Variants in GPR149 observed in about 807,000 individuals in gnomAD.
GPR149 encodes the protein probable G protein-coupled receptor 149.
GPR149 carries 50 observed loss-of-function variants against 50.2 expected under a neutral mutation model. The ratio of observed to expected loss-of-function variants is 1.00; its 90% CI spans 0.79 to 1.26. The LOEUF (loss-of-function observed/expected upper bound fraction) is 1.26, where lower values mean the gene tolerates loss of function less well. GPR149 is among the 50% of genes most tolerant of loss of function. GPR149 has a pLI of 0.00. For missense variants in GPR149, 983 were observed against 895.4 expected, an observed-to-expected ratio of 1.10 and a Z score of -1.25; for synonymous variants, 405 against 358.2, an observed-to-expected ratio of 1.13 and a Z score of -1.48.
At chr3:154,395,292 G>A (rs533261387) in intron 3 of GPR149, among the ~76,000 whole-genome samples, 21 of 151,736 alleles carry the variant, frequency 1.4e-4, no homozygotes, top group East Asian at 1.2e-3. Flanking sequence ...AAGTTTTATC[G>A]TAATTTCTAG....
chr3:154,397,413 G>C (rs1215902368), intron 3 of GPR149, among the ~76,000 whole-genome samples: 1 of 152,180 alleles, frequency 6.6e-6, no homozygotes, highest in Non-Finnish European at 1.5e-5. Flanking sequence ...GAGTGTGCTA[G>C]AGTTGGCTCA....
chr3:154,365,365 C>CA (rs1001066690), intron 3 of GPR149, among the ~76,000 whole-genome samples: 3 of 152,222 alleles, frequency 2.0e-5, no homozygotes, highest in Admixed American at 6.5e-5. Context: ...CAAAGATCTC[C>CA]AAAATGCCTT....
In GPR149 at chr3:154,338,035, C is replaced by T; in HGVS notation, c.1860G>A (p.Glu620=). ...FVDTSVKIHL[E]VLEICDNEEA... is the part of the protein sequence containing the mutation. ...CTTCATTATCACAAATTTCAAGAACCTCCAAGTGTATTTTCACACTGGTGT... is the reference window on the plus strand; with the variant it reads ...CTTCATTATCACAAATTTCAAGAACTTCCAAGTGTATTTTCACACTGGTGT... Residue 620 remains glutamate (E), a synonymous_variant, in exon 4 of 4, where the codon GAG becomes GAA. Coordinates refer to ENST00000389740, the MANE Select transcript of GPR149 (RefSeq NM_001038705.3). 6.2e-7 allele frequency: 1 copy of T among 1,614,194 alleles called. No homozygotes were observed. The highest frequency in any genetic ancestry group is 8.5e-7 in the Non-Finnish European group (1 of 1,180,018).
At chr3:154,352,704 G>GA (rs1199870281) in intron 3 of GPR149, 5 of 783,334 alleles carry the variant, frequency 6.4e-6, no homozygotes, top group Non-Finnish European at 1.2e-5. Context: ...CTGATGGTCA[G>GA]AAAAAATCAA....
intron 3 of GPR149, among the ~76,000 whole-genome samples, chr3:154,368,169 C>A (rs1243354640): frequency 6.6e-6 from 1 of 152,182 alleles, no homozygotes; most frequent in Non-Finnish European, 1.5e-5. Flanking sequence ...CCAGAGGCTC[C>A]CCCTGCAAGG....
intron 3 of GPR149, among the ~76,000 whole-genome samples, chr3:154,339,952 C>G (rs789294): frequency 0.91 from 137,463 of 151,728 alleles, 62,504 homozygotes; most frequent in East Asian, 1. Context: ...ACCACCCCCG[C>G]CTAATTTTTT....
At chr3:154,372,311 G>T (rs1212411682) in intron 3 of GPR149, among the ~76,000 whole-genome samples, 4 of 152,074 alleles carry the variant, frequency 2.6e-5, no homozygotes, top group Non-Finnish European at 5.9e-5. Flanking sequence ...TTCTTCCCAA[G>T]AAAGCTATTA....
intron 3 of GPR149, among the ~76,000 whole-genome samples, chr3:154,375,135 C>G (rs1714761178): frequency 6.6e-6 from 1 of 151,966 alleles, no homozygotes; most frequent in African/African-American, 2.4e-5. Context: ...TTTCACTTTA[C>G]TCTCCTTTTC....
At chr3:154,398,939 A>G (rs534709728) in intron 3 of GPR149, among the ~76,000 whole-genome samples, 1 of 152,316 alleles carries the variant, frequency 6.6e-6, no homozygotes, top group South Asian at 2.1e-4. Flanking sequence ...ATGTAACTCC[A>G]ATAAACATAA....
chr3:154,354,535 T>G (rs1407727534), intron 3 of GPR149, among the ~76,000 whole-genome samples: 1 of 152,188 alleles, frequency 6.6e-6, no homozygotes, highest in Non-Finnish European at 1.5e-5. Flanking sequence ...CACCCTGTGA[T>G]CCTCTGAGTG....
intron 3 of GPR149, among the ~76,000 whole-genome samples, chr3:154,355,173 C>A (rs1477492760): frequency 1.3e-5 from 2 of 152,022 alleles, no homozygotes. Context: ...GATTACAGGT[C>A]CGTGCCACCA....
intron 3 of GPR149, among the ~76,000 whole-genome samples, chr3:154,414,571 G>A (rs890936001): frequency 6.6e-6 from 1 of 151,762 alleles, no homozygotes; most frequent in Non-Finnish European, 1.5e-5. Flanking sequence ...AATTACAAGG[G>A]GGAAAAATAG....
intron 3 of GPR149, among the ~76,000 whole-genome samples, chr3:154,354,527 C>A (rs772926665): frequency 2.0e-5 from 3 of 152,090 alleles, no homozygotes; most frequent in Non-Finnish European, 2.9e-5. Context: ...TTTTCCAGCA[C>A]CCTGTGATCC....
chr3:154,417,124 T>C (rs923647723), intron 3 of GPR149, among the ~76,000 whole-genome samples: 2 of 152,034 alleles, frequency 1.3e-5, no homozygotes, highest in Non-Finnish European at 2.9e-5. Flanking sequence ...AAAATTATCA[T>C]TTCATTTCAG....
intron 2 of GPR149, among the ~76,000 whole-genome samples, chr3:154,423,957 T>C (rs1472450119): frequency 6.6e-6 from 1 of 151,888 alleles, no homozygotes; most frequent in African/African-American, 2.4e-5. Context: ...CATTAACTCG[T>C]CATTTACATT....
intron 3 of GPR149, among the ~76,000 whole-genome samples, chr3:154,391,566 T>G (rs1175539917): frequency 6.7e-6 from 1 of 150,332 alleles, no homozygotes; most frequent in African/African-American, 2.4e-5. Context: ...TAAAAAAACA[T>G]GGCTATAGTA....
At chr3:154,383,500 G>A (rs956010187) in intron 3 of GPR149, among the ~76,000 whole-genome samples, 3 of 151,962 alleles carry the variant, frequency 2.0e-5, no homozygotes, top group African/African-American at 7.3e-5. Flanking sequence ...TTGCCATATC[G>A]AAGTAGTTAA....
At chr3:154,352,365 G>A (rs1357425716) in intron 3 of GPR149, 1 of 1,116,314 alleles carries the variant, frequency 9.0e-7, no homozygotes, top group Non-Finnish European at 1.3e-6. Context: ...TTCAATTTCA[G>A]GTAATTTGGC....
Position 154,428,930 on chromosome 3 carries a change from T to C in GPR149, c.686A>G (p.Tyr229Cys). The change falls in exon 1 of 4, where the codon TAC (tyrosine) becomes TGC (cysteine). Residue 229 changes from tyrosine to cysteine, a missense_variant. Coordinates refer to ENST00000389740, the MANE Select transcript of GPR149 (RefSeq NM_001038705.3). Reference protein sequence around the residue: ...SEEPPRLHSNYQEISRGASIP... With the variant: ...SEEPPRLHSNCQEISRGASIP... ...TGAAGCTCCACGGGAAATTTCCTGG[T>C]AGTTGGAGTGGAGTCTCGGCGGCTC... is the stretch of plus-strand genomic sequence containing the variant. 1 of 1,613,902 alleles carries C rather than the reference T, an allele frequency of 6.2e-7. No individual in the cohort carries two copies. Among genetic ancestry groups the C allele is most frequent in the Non-Finnish European group, 8.5e-7 (1 of 1,179,966 alleles).
Sources: allele counts gnomAD v4.1 joint callset (sites outside exome capture counted in the v4.1 genomes callset), GRCh38; gene constraint gnomAD v4.1.1; transcripts MANE v1.5; gene names NCBI Gene and HGNC (gene_info 2026-07-23, HGNC 2026-07-21).